FAM76B: variants seen among roughly 807,000 people sequenced by gnomAD.
The protein encoded by FAM76B is protein FAM76B.
In FAM76B, 16 loss-of-function variants were observed where a neutral mutation model predicts 51.8. That is an observed-to-expected ratio of 0.31 (90% CI 0.21 to 0.47). The LOEUF (loss-of-function observed/expected upper bound fraction) is 0.47, where lower values mean the gene tolerates loss of function less well. Ranked by LOEUF, FAM76B falls within the 20% of genes least tolerant of loss-of-function variation. The probability of loss-of-function intolerance (pLI) is 1.00; values close to 1 mark genes in which losing one functional copy is unlikely to be tolerated. For missense variants in FAM76B, 342 were observed against 392.6 expected, an observed-to-expected ratio of 0.87 and a Z score of 1.09; for synonymous variants, 166 against 129.5, an observed-to-expected ratio of 1.28 and a Z score of -1.91.
chr11:95,784,593 A>AG (rs1860457601), intron 4 of FAM76B, among the ~76,000 whole-genome samples: 2 of 133,894 alleles, frequency 1.5e-5, no homozygotes, highest in African/African-American at 5.8e-5. Context: ...CACACACACA[A>AG]TTTTTTTTTT....
intron 4 of FAM76B, among the ~76,000 whole-genome samples, chr11:95,784,076 G>T (rs1319699446): frequency 6.6e-6 from 1 of 152,162 alleles, no homozygotes; most frequent in Non-Finnish European, 1.5e-5. Context: ...AGAAAACATG[G>T]TACGTATATA....
At chr11:95,780,711 TAGA>T (rs1397895834) in intron 5 of FAM76B, among the ~76,000 whole-genome samples, 1 of 152,000 alleles carries the variant, frequency 6.6e-6, no homozygotes, top group Admixed American at 6.6e-5. Flanking sequence ...TTATACGATT[TAGA>T]AGATGTTAGA....
intron 3 of FAM76B, chr11:95,786,917 A>G (rs1860625780): frequency 6.6e-6 from 1 of 152,218 alleles, no homozygotes; most frequent in African/African-American, 2.4e-5. Context: ...ATATAAGACA[A>G]TTTGTACTAG....
At chr11:95,787,735 CAAT>C in intron 2 of FAM76B, 57 bp from the exon 3 acceptor site, 3 of 1,389,282 alleles carry the variant, frequency 2.2e-6, no homozygotes. Flanking sequence ...GTAATTAGCA[CAAT>C]GTCAAAATAA....
At chr11:95,788,975 C>T in intron 1 of FAM76B, 1 of 1,349,438 alleles carries the variant, frequency 7.4e-7, no homozygotes, top group Non-Finnish European at 9.7e-7. Flanking sequence ...ATGCCATCAG[C>T]TTTGCGGCTT....
At chr11:95,784,806 C>G (rs897636965) in intron 4 of FAM76B, among the ~76,000 whole-genome samples, 1 of 152,052 alleles carries the variant, frequency 6.6e-6, no homozygotes, top group Non-Finnish European at 1.5e-5. Flanking sequence ...CCAGGATGGT[C>G]TCGATCTCCT....
chr11:95,788,544 G>A lies in FAM76B; in HGVS notation c.107C>T (p.Pro36Leu). The change falls in exon 2 of 10, where the codon CCT becomes CTT. Residue 36 changes from proline to leucine, a missense_variant. By Grantham distance (98) the Pro-to-Leu change is moderately conservative. Coordinates refer to ENST00000358780, the MANE Select transcript of FAM76B (RefSeq NM_144664.5). ...TCTGCAGTAAGTACATTTTACAATA[G>A]GATGTGCAATCCGACATTCCTGTAA... ...QLCKECRIAHPIVKCTYCRSE... is the reference protein window; with the variant it reads ...QLCKECRIAHLIVKCTYCRSE... 6.2e-7 allele frequency: 1 copy of A among 1,612,716 alleles called. No homozygotes were observed. The highest frequency in any genetic ancestry group is 8.5e-7 in the Non-Finnish European group (1 of 1,179,514).
At position 95,770,611 on chromosome 11, in the gene FAM76B, G is replaced by A. The variant is rs192318265; in HGVS notation, c.*950C>T. ...AGCAACTTAAAATTAAATCTTTGGG[G>A]AACTATTTTGACATAATTAAATGAA... is the stretch of plus-strand genomic sequence containing the variant. On this transcript the variant is annotated 3_prime_UTR_variant, in exon 10 of 10. Coordinates refer to ENST00000358780, the MANE Select transcript of FAM76B (RefSeq NM_144664.5). The A allele has an allele frequency of 9.1e-3, 1,386 of 151,556 alleles. 13 individuals carry two copies. The highest frequency in any genetic ancestry group is 0.016 in the Non-Finnish European group (1,053 of 67,310). The allele number at this position is 151,556 out of a possible 1,614,324, so 9.4% of individuals were successfully genotyped here.
intron 4 of FAM76B, among the ~76,000 whole-genome samples, chr11:95,785,384 G>A (rs1860508442): frequency 6.6e-6 from 1 of 152,144 alleles, no homozygotes; most frequent in Non-Finnish European, 1.5e-5. Flanking sequence ...AGAATCAATC[G>A]TACCTGTGTC....
Position 95,775,910 on chromosome 11 carries a change from G to T in FAM76B, c.930+12C>A, listed in dbSNP as rs952965886. ...TTCTTGCCTATCATTTTACGTAAAT[G>T]ATGGTAGTTACCTGAAGTTGTTCCA... On this transcript the variant is annotated intron_variant, in intron 9 of 9. Transcript: ENST00000358780. 2.0e-6 allele frequency: 3 copies of T among 1,523,782 alleles called. No homozygotes were observed. The highest frequency in any genetic ancestry group is 3.7e-4 in the Middle Eastern group (2 of 5,348). The allele number at this position is 1,523,782 out of a possible 1,614,324, so 94.4% of individuals were successfully genotyped here. A position where few individuals can be genotyped will look rare whatever the true frequency, so the allele number is the denominator to read the frequency against.
chr11:95,780,984 C>G (rs1274216097), intron 5 of FAM76B, among the ~76,000 whole-genome samples: 3 of 151,000 alleles, frequency 2.0e-5, no homozygotes, highest in Non-Finnish European at 4.4e-5. Flanking sequence ...AAACAAGTAC[C>G]AAGTTGGGAA....
rs1454007761 is a variant in FAM76B, at chr11:95,779,899, C to T, written c.591G>A (p.Glu197=). The T allele has an allele frequency of 6.2e-7, 1 of 1,605,490 alleles. No homozygotes were observed. Among genetic ancestry groups the T allele is most frequent in the Non-Finnish European group, 8.5e-7 (1 of 1,176,482 alleles). The change falls in exon 6 of 10, where the codon GAG becomes GAA. Residue 197 remains glutamate, a synonymous_variant. Coordinates refer to ENST00000358780, the MANE Select transcript of FAM76B (RefSeq NM_144664.5). ...HKISNLSPEE[E]QGLWKQSHKS... is the part of the protein sequence containing the mutation. ...TTTACCTCTGTTTCCACAGTCCCTGCTCTTCTTCTGGACTTAGATTGCTGA... is the reference window on the plus strand; with the variant it reads ...TTTACCTCTGTTTCCACAGTCCCTGTTCTTCTTCTGGACTTAGATTGCTGA...
At chr11:95,780,871 C>CAT (rs746433441) in intron 5 of FAM76B, among the ~76,000 whole-genome samples, 49 of 151,122 alleles carry the variant, frequency 3.2e-4, no homozygotes, top group South Asian at 8.3e-4. Flanking sequence ...ACAAAATAGA[C>CAT]ATATATATAT....
chr11:95,783,372 A>G (rs7949888), intron 4 of FAM76B, 108 bp from the exon 5 acceptor site: 479,886 of 854,118 alleles, frequency 0.56, 139,204 homozygotes, highest in African/African-American at 0.86. Context: ...CGTAACATGC[A>G]CAAATGCATG....
chr11:95,779,063 C>CA, intron 7 of FAM76B, 106 bp from the exon 8 acceptor site: 1 of 1,591,246 alleles, frequency 6.3e-7, no homozygotes, highest in African/African-American at 1.3e-5. Context: ...AAGGCTAATG[C>CA]AAAAAAATAT....
At chr11:95,788,995 A>G (rs771633688) in intron 1 of FAM76B, 3 of 1,353,390 alleles carry the variant, frequency 2.2e-6, no homozygotes, top group Non-Finnish European at 2.9e-6. Context: ...TCGGGTTCCT[A>G]GCAAGAAAGT....
chr11:95,773,095 A>T (rs569596932), intron 9 of FAM76B, among the ~76,000 whole-genome samples: 1 of 149,502 alleles, frequency 6.7e-6, no homozygotes, highest in Admixed American at 6.7e-5. Context: ...TACTGATACA[A>T]AATAGTTAAA....
chr11:95,777,330 T>A (rs963159413), intron 8 of FAM76B, among the ~76,000 whole-genome samples: 49 of 151,408 alleles, frequency 3.2e-4, no homozygotes, highest in Non-Finnish European at 4.6e-4. Context: ...GTGATTTTTT[T>A]AAAGAGGAAC....
intron 2 of FAM76B, among the ~76,000 whole-genome samples, chr11:95,788,205 A>C (rs1860710631): frequency 6.6e-6 from 1 of 151,474 alleles, no homozygotes; most frequent in South Asian, 2.1e-4. Flanking sequence ...AGGCTTTACC[A>C]TTTTTTTTTA....
Sources: gnomAD v4.1 joint callset for allele counts (sites outside exome capture counted in the v4.1 genomes callset) on GRCh38, gnomAD v4.1.1 for gene constraint, MANE v1.5 for transcripts, NCBI Gene and HGNC (gene_info 2026-07-23, HGNC 2026-07-21) for gene names.